RERG: variants seen among roughly 807,000 people sequenced by gnomAD.
The protein encoded by RERG is ras-related and estrogen-regulated growth inhibitor.
In RERG, 25 loss-of-function variants were observed where a neutral mutation model predicts 23.2. The observed-to-expected ratio is 1.08, with a 90% CI of 0.79 to 1.50. The LOEUF is 1.50. Among genes scored for constraint, RERG ranks in the 40% most tolerant of loss-of-function variants. The pLI is 0.00. For synonymous variants in RERG, 81 were observed against 89.1 expected (o/e 0.91, Z 0.51); for missense variants, 253 against 250.1 (o/e 1.01, Z -0.08).
At chr12:15,195,551 CTGTGTGTGTGTGTGTGTGTG>C (rs71042238) in intron 2 of RERG, among the ~76,000 whole-genome samples, 1,472 of 128,320 alleles carry the variant, frequency 0.011, 20 homozygotes, top group African/African-American at 0.04. Context: ...GCAAGCTTGG[CTGTGTGTGTGTGTGTGTGTG>C]TGTGTGTGTG....
chr12:15,133,671 C>G (rs1864092962), intron 2 of RERG, among the ~76,000 whole-genome samples: 1 of 150,836 alleles, frequency 6.6e-6, no homozygotes, highest in Admixed American at 6.6e-5. Flanking sequence ...AACTGCCAAA[C>G]TGTCTTCCAA....
At chr12:15,127,716 A>G (rs1863973062) in intron 2 of RERG, among the ~76,000 whole-genome samples, 1 of 152,190 alleles carries the variant, frequency 6.6e-6, no homozygotes, top group African/African-American at 2.4e-5. Flanking sequence ...CTAAATATCC[A>G]TTTATTAATT....
At chr12:15,200,010 T>C (rs925505823) in intron 2 of RERG, among the ~76,000 whole-genome samples, 1 of 152,032 alleles carries the variant, frequency 6.6e-6, no homozygotes, top group African/African-American at 2.4e-5. Flanking sequence ...GGGAACAATA[T>C]TGTAACTCCA....
chr12:15,165,302 C>T (rs540916160), intron 2 of RERG, among the ~76,000 whole-genome samples: 212 of 152,284 alleles, frequency 1.4e-3, no homozygotes, highest in Non-Finnish European at 2.5e-3. Context: ...ATGTACCAAA[C>T]ACTTCTTCTA....
At chr12:15,155,204 C>G (rs552940564) in intron 2 of RERG, 29 of 152,286 alleles carry the variant, frequency 1.9e-4, no homozygotes, top group African/African-American at 7.0e-4. Context: ...AGTGTCTATG[C>G]TGCATTGTAA....
intron 2 of RERG, among the ~76,000 whole-genome samples, chr12:15,196,996 T>C (rs1381234670): frequency 1.3e-5 from 2 of 152,168 alleles, no homozygotes; most frequent in African/African-American, 2.4e-5. Flanking sequence ...GTTTCATGTA[T>C]AATGAGAGCT....
At chr12:15,197,965 T>G (rs1865166939) in intron 2 of RERG, among the ~76,000 whole-genome samples, 2 of 152,148 alleles carry the variant, frequency 1.3e-5, no homozygotes, top group Non-Finnish European at 2.9e-5. Flanking sequence ...CTTTGCTTCC[T>G]GTAGGTCTTG....
intron 3 of RERG, among the ~76,000 whole-genome samples, chr12:15,120,514 A>G (rs1863811662): frequency 6.6e-6 from 1 of 151,440 alleles, no homozygotes; most frequent in African/African-American, 2.4e-5. Flanking sequence ...AACCAGGAAG[A>G]GTGTTTGCCT....
intron 4 of RERG, 182 bp downstream of exon 4, chr12:15,111,162 T>C: frequency 2.0e-6 from 1 of 512,226 alleles, no homozygotes; most frequent in Non-Finnish European, 3.5e-6. Flanking sequence ...GGGCAGTTTA[T>C]ATAAGGATGA....
rs34969829 is a variant in RERG, at chr12:15,128,252, G to A, written c.62-7133C>T. Among the ~76,000 whole-genome samples the A allele has an allele frequency of 1.7e-3, 257 of 152,276 alleles. 5 individuals carry two copies. In the East Asian group the frequency reaches 0.044, roughly 26 times the overall value. On this transcript the variant is annotated intron_variant, in intron 2 of 4. Coordinates refer to ENST00000256953, the MANE Select transcript of RERG (RefSeq NM_032918.3). Reference sequence around the variant, plus strand: ...AACACAGAAAGAGAACATGAATTTCGTGAAGCAAGAAGAAAACTTTTAGAT... The same window carrying A: ...AACACAGAAAGAGAACATGAATTTCATGAAGCAAGAAGAAAACTTTTAGAT...
chr12:15,213,996 A>ATGTG lies in RERG; in HGVS notation c.61+3429_61+3432dup, dbSNP rs59427690. On this transcript the variant is annotated intron_variant, in intron 2 of 4. Coordinates refer to ENST00000256953, the MANE Select transcript of RERG (RefSeq NM_032918.3). The stretch of plus-strand genomic sequence containing the variant: ...CAAGAAAGAGAAAAACAGAGAAAGT[A>ATGTG]TGTGTGTGTGTGTGTGTGTGTGTGT... 8.7e-3 allele frequency among the ~76,000 whole-genome samples: 1,146 copies of ATGTG among 130,986 alleles called. 11 individuals are homozygous for ATGTG. Among genetic ancestry groups the ATGTG allele is most frequent in the African/African-American group, 0.028 (1,013 of 35,838 alleles). 85.9% of individuals were successfully genotyped at this position (130,986 alleles called of 152,430 possible). A position where few individuals can be genotyped will look rare whatever the true frequency, so the allele number is the denominator to read the frequency against.
chr12:15,213,981 A>G (rs1397980555), intron 2 of RERG, among the ~76,000 whole-genome samples: 1 of 147,622 alleles, frequency 6.8e-6, no homozygotes, highest in African/African-American at 2.5e-5. Context: ...CAAGAAAGAG[A>G]AAAACAGAGA....
intron 2 of RERG, among the ~76,000 whole-genome samples, chr12:15,192,356 CTT>C (rs1428856183): frequency 2.0e-5 from 3 of 152,138 alleles, no homozygotes; most frequent in African/African-American, 7.2e-5. Flanking sequence ...AATTAAACCT[CTT>C]TATAAATTAC....
chr12:15,126,132 T>TATATATATATATATATAA (rs1555120830), intron 2 of RERG, among the ~76,000 whole-genome samples: 3 of 138,400 alleles, frequency 2.2e-5, no homozygotes, highest in Non-Finnish European at 4.7e-5. Context: ...ATATACCATA[T>TATATATATATATATATAA]ATATATATAT....
intron 2 of RERG, among the ~76,000 whole-genome samples, chr12:15,130,907 T>C (rs7310431): frequency 0.69 from 104,600 of 151,836 alleles, 36,201 homozygotes; most frequent in Admixed American, 0.75. Context: ...ATCTCAAGTC[T>C]GGAAAATTGA....
chr12:15,114,957 T>C (rs1863693279), intron 3 of RERG, among the ~76,000 whole-genome samples: 1 of 152,174 alleles, frequency 6.6e-6, no homozygotes, highest in South Asian at 2.1e-4. Flanking sequence ...GTAGCTCATA[T>C]TAGAGGCAAC....
At chr12:15,161,154 GA>G (rs1373352209) in intron 2 of RERG, among the ~76,000 whole-genome samples, 2 of 92,042 alleles carry the variant, frequency 2.2e-5, no homozygotes, top group East Asian at 3.0e-4. Flanking sequence ...AAGAAAGAAA[GA>G]AAGAAAGAAA....
chr12:15,179,771 GA>G (rs952960395), intron 2 of RERG, among the ~76,000 whole-genome samples: 1 of 150,572 alleles, frequency 6.6e-6, no homozygotes, highest in Non-Finnish European at 1.5e-5. Flanking sequence ...AATCAACAGA[GA>G]AAAAAAAAGG....
At position 15,148,968 on chromosome 12, in the gene RERG, A is replaced by G. The variant is rs575333987; in HGVS notation, c.62-27849T>C. 4.3e-5 allele frequency among the ~76,000 whole-genome samples: 6 copies of G among 139,060 alleles called. No individual in the cohort carries two copies. In the East Asian group the frequency reaches 1.4e-3, roughly 32 times the overall value. 91.2% of individuals were successfully genotyped at this position (139,060 alleles called of 152,430 possible). ...ACTGCAACCTCCGCCTCCTGGGTTC[A>G]TGCCATTCTCCTGCCTCAGCCTCCC... On this transcript the variant is annotated intron_variant, in intron 2 of 4. Transcript: ENST00000256953.
Sources: allele counts gnomAD v4.1 joint callset (sites outside exome capture counted in the v4.1 genomes callset), GRCh38; gene constraint gnomAD v4.1.1; transcripts MANE v1.5; gene names NCBI Gene and HGNC (gene_info 2026-07-23, HGNC 2026-07-21).